Variants in RANBP2 observed in about 807,000 individuals in gnomAD.
RANBP2 encodes the protein RAN binding protein 2.
In RANBP2, 57 loss-of-function variants were observed where a neutral mutation model predicts 303.6. The ratio of observed to expected loss-of-function variants is 0.19; its 90% CI spans 0.15 to 0.23. The LOEUF is 0.23. Ranked by LOEUF, RANBP2 falls within the 10% of genes least tolerant of loss-of-function variation. The probability of loss-of-function intolerance (pLI) is 1.00; values close to 1 mark genes in which losing one functional copy is unlikely to be tolerated. For missense variants in RANBP2, 3,138 were observed against 3,780.8 expected (o/e 0.83, Z 4.46); for synonymous variants, 1,167 against 1,301.5 (o/e 0.90, Z 2.23).
chr2:109,255,283 T>C, the RANBP2 span, among the ~76,000 whole-genome samples: 1 of 152,232 alleles, frequency 6.6e-6, no homozygotes, highest in Non-Finnish European at 1.5e-5. Flanking sequence ...ACTGTCACAC[T>C]GGGCTTCCAG....
At chr2:109,387,986 C>T in the RANBP2 span, among the ~76,000 whole-genome samples, 9 of 152,082 alleles carry the variant, frequency 5.9e-5, no homozygotes, top group East Asian at 3.9e-4. Flanking sequence ...AGGGACTCCT[C>T]GGTCCCTGTT....
the RANBP2 span, among the ~76,000 whole-genome samples, chr2:109,375,014 C>T: frequency 1.3e-5 from 2 of 152,254 alleles, no homozygotes; most frequent in Non-Finnish European, 2.9e-5. Context: ...GCCAGCCTGG[C>T]CTTGCACTGC....
At chr2:109,602,446 C>CGGGT in the RANBP2 span, among the ~76,000 whole-genome samples, 1 of 152,034 alleles carries the variant, frequency 6.6e-6, no homozygotes, top group Admixed American at 6.6e-5. Context: ...GAGGCCAAGG[C>CGGGT]GGGTGGATCA....
the RANBP2 span, among the ~76,000 whole-genome samples, chr2:109,222,289 G>T: frequency 1.2e-4 from 19 of 152,132 alleles, no homozygotes; most frequent in African/African-American, 4.3e-4. Context: ...GTACAGCAGG[G>T]TGATTAGTTA....
At chr2:109,694,406 C>CT in the RANBP2 span, among the ~76,000 whole-genome samples, 13,163 of 137,830 alleles carry the variant, frequency 0.096, 933 homozygotes, top group Middle Eastern at 0.14. Flanking sequence ...AACTAAACCT[C>CT]TTTTTTTTTT....
chr2:109,724,205 G>T, the RANBP2 span, among the ~76,000 whole-genome samples: 1 of 152,306 alleles, frequency 6.6e-6, no homozygotes, highest in South Asian at 2.1e-4. Flanking sequence ...GTAGCATGAT[G>T]CCTCCAGCTT....
intron 9 of RANBP2, 140 bp from the exon 10 acceptor site, chr2:108,751,124 C>A: frequency 6.9e-7 from 1 of 1,445,660 alleles, no homozygotes; most frequent in East Asian, 2.5e-5. Flanking sequence ...TTTTGCCTAA[C>A]ATAGAATTCC....
At chr2:109,387,346 C>G in the RANBP2 span, among the ~76,000 whole-genome samples, 1 of 152,160 alleles carries the variant, frequency 6.6e-6, no homozygotes, top group East Asian at 1.9e-4. Context: ...CCCTCCGGTT[C>G]CCCATCTCAG....
the RANBP2 span, among the ~76,000 whole-genome samples, chr2:109,515,575 A>G: frequency 5.2e-4 from 79 of 152,222 alleles, no homozygotes; most frequent in Middle Eastern, 3.4e-3. Flanking sequence ...CCCCTCAGCC[A>G]GATCTCCAGC....
chr2:109,012,878 C>T, the RANBP2 span, among the ~76,000 whole-genome samples: 1 of 152,176 alleles, frequency 6.6e-6, no homozygotes, highest in African/African-American at 2.4e-5. Context: ...CAGGCCACTG[C>T]ACTCCAGCCT....
chr2:108,862,764 C>T, the RANBP2 span, among the ~76,000 whole-genome samples: 5 of 151,854 alleles, frequency 3.3e-5, no homozygotes, highest in Admixed American at 1.3e-4. Flanking sequence ...ATCTTTTTTC[C>T]ACAAACGGTT....
the RANBP2 span, among the ~76,000 whole-genome samples, chr2:109,249,519 T>TCTTTC: frequency 1.6e-5 from 1 of 61,900 alleles, no homozygotes; most frequent in Non-Finnish European, 3.3e-5. Context: ...CATTCTTTCT[T>TCTTTC]TTTCTTTCTT....
chr2:108,833,175 A>T, the RANBP2 span, among the ~76,000 whole-genome samples: 1 of 152,234 alleles, frequency 6.6e-6, no homozygotes, highest in South Asian at 2.1e-4. Context: ...TACATGGTGG[A>T]TACATGTCAT....
the RANBP2 span, among the ~76,000 whole-genome samples, chr2:109,256,825 G>C: frequency 6.6e-6 from 1 of 152,208 alleles, no homozygotes; most frequent in Non-Finnish European, 1.5e-5. Flanking sequence ...GCAGTGCCGG[G>C]TGACAGGTGG....
the RANBP2 span, among the ~76,000 whole-genome samples, chr2:109,022,285 TC>T: frequency 6.6e-6 from 1 of 152,030 alleles, no homozygotes. Flanking sequence ...CAACTGTGGT[TC>T]CCCCGCCCCA....
At chr2:109,353,172 C>T in the RANBP2 span, among the ~76,000 whole-genome samples, 1 of 152,244 alleles carries the variant, frequency 6.6e-6, no homozygotes, top group Non-Finnish European at 1.5e-5. Context: ...TCACCCAGTC[C>T]TTGCTCCCTC....
At chr2:109,095,596 G>T in the RANBP2 span, among the ~76,000 whole-genome samples, 2 of 152,238 alleles carry the variant, frequency 1.3e-5, no homozygotes, top group East Asian at 1.9e-4. Context: ...ATTTGAAGGG[G>T]ATTATTTAAT....
chr2:108,923,321 T>TCCGTGCTGAACAAATA, the RANBP2 span: 3 of 1,571,960 alleles, frequency 1.9e-6, no homozygotes, highest in Non-Finnish European at 2.6e-6. Context: ...GTGAAAGGGA[T>TCCGTGCTGAACAAATA]CCGTGCTGAA....
chr2:109,614,349 G>T, the RANBP2 span: 3 of 727,230 alleles, frequency 4.1e-6, no homozygotes, highest in South Asian at 1.4e-4. Flanking sequence ...GGCGGTGGCC[G>T]AGTCCTCTGG....
Sources: gnomAD v4.1 joint callset for allele counts (sites outside exome capture counted in the v4.1 genomes callset) on GRCh38, gnomAD v4.1.1 for gene constraint, MANE v1.5 for transcripts, NCBI Gene and HGNC (gene_info 2026-07-23, HGNC 2026-07-21) for gene names.